Variants in SLC39A11 observed in about 807,000 individuals in gnomAD.
SLC39A11 encodes the protein solute carrier family 39 member 11, also known as zinc transporter ZIP11.
SLC39A11 carries 33 observed loss-of-function variants against 36.1 expected under a neutral mutation model. The ratio of observed to expected loss-of-function variants is 0.91; its 90% confidence interval spans 0.69 to 1.22. The LOEUF is 1.22. Ranked by LOEUF, SLC39A11 falls within the 50% of genes most tolerant of loss-of-function variation. The pLI is 0.00. For synonymous variants in SLC39A11, 166 were observed against 170.3 expected (o/e 0.97, Z 0.20); for missense variants, 432 against 430.3 (o/e 1.00, Z -0.03).
chr17:72,824,599 T>C (rs1220770034), intron 6 of SLC39A11, among the ~76,000 whole-genome samples: 2 of 151,270 alleles, frequency 1.3e-5, no homozygotes, highest in African/African-American at 4.8e-5. Context: ...AGTTGGGAAC[T>C]TCCTAGAGAC....
intron 6 of SLC39A11, among the ~76,000 whole-genome samples, chr17:72,834,703 T>A (rs1031869370): frequency 1.3e-5 from 2 of 152,106 alleles, no homozygotes; most frequent in Non-Finnish European, 2.9e-5. Flanking sequence ...TACCTGGCCA[T>A]GGGAGAAAGA....
intron 6 of SLC39A11, among the ~76,000 whole-genome samples, chr17:72,758,831 G>A (rs1343025216): frequency 1.3e-5 from 2 of 152,128 alleles, no homozygotes; most frequent in Non-Finnish European, 2.9e-5. Flanking sequence ...TTCCTAACTT[G>A]TATACGCCAA....
intron 7 of SLC39A11, among the ~76,000 whole-genome samples, chr17:72,717,143 T>C (rs2073437386): frequency 1.4e-5 from 2 of 147,756 alleles, no homozygotes; most frequent in African/African-American, 4.9e-5. Context: ...CTTATATGTG[T>C]ATATATATGT....
intron 5 of SLC39A11, among the ~76,000 whole-genome samples, chr17:72,861,666 T>C (rs1399690248): frequency 9.3e-6 from 1 of 107,090 alleles, no homozygotes; most frequent in African/African-American, 4.0e-5. Flanking sequence ...ATTATATATA[T>C]ATATATATAT....
chr17:72,962,886 T>C (rs2086705085), intron 4 of SLC39A11, among the ~76,000 whole-genome samples: 1 of 152,106 alleles, frequency 6.6e-6, no homozygotes, highest in African/African-American at 2.4e-5. Context: ...GTCAGCTCCA[T>C]AAAGAGCTGG....
At chr17:73,068,959 C>A (rs1383298019) in intron 3 of SLC39A11, among the ~76,000 whole-genome samples, 1 of 152,176 alleles carries the variant, frequency 6.6e-6, no homozygotes, top group Non-Finnish European at 1.5e-5. Flanking sequence ...CAGAGCACAA[C>A]TCCTTTCTAA....
At chr17:73,017,807 C>T (rs1297294000) in intron 4 of SLC39A11, among the ~76,000 whole-genome samples, 2 of 152,166 alleles carry the variant, frequency 1.3e-5, no homozygotes, top group Admixed American at 6.5e-5. Context: ...GGAGGATCAT[C>T]ACACAAACAA....
intron 7 of SLC39A11, among the ~76,000 whole-genome samples, chr17:72,734,325 G>A (rs1245131111): frequency 1.3e-5 from 2 of 152,166 alleles, no homozygotes; most frequent in Non-Finnish European, 2.9e-5. Flanking sequence ...TTCTTCCCTC[G>A]TTCCTTCTCT....
At chr17:72,755,212 G>T (rs961771960) in intron 6 of SLC39A11, among the ~76,000 whole-genome samples, 1 of 152,216 alleles carries the variant, frequency 6.6e-6, no homozygotes, top group African/African-American at 2.4e-5. Flanking sequence ...AATGAGGAAA[G>T]GTCTGTGAAT....
At chr17:73,060,210 C>CAAAAAAAAAAAAAAAAAAAAAAAA (rs33931672) in intron 3 of SLC39A11, among the ~76,000 whole-genome samples, 1 of 70,348 alleles carries the variant, frequency 1.4e-5, no homozygotes, top group Non-Finnish European at 2.6e-5. Context: ...AACTCCATCT[C>CAAAAAAAAAAAAAAAAAAAAAAAA]AAAAAAAAAA....
intron 5 of SLC39A11, among the ~76,000 whole-genome samples, chr17:72,879,213 C>T (rs1272417108): frequency 6.6e-6 from 1 of 152,166 alleles, no homozygotes; most frequent in Non-Finnish European, 1.5e-5. Context: ...ATGATTTAAG[C>T]CTGAATCATT....
intron 7 of SLC39A11, chr17:72,712,748 A>G (rs745394111): frequency 1.4e-4 from 21 of 152,310 alleles, no homozygotes; most frequent in Non-Finnish European, 2.4e-4. Context: ...ATACACATTC[A>G]TGTATTTTAC....
chr17:72,689,696 G>A (rs1365223543), intron 7 of SLC39A11, among the ~76,000 whole-genome samples: 1 of 152,132 alleles, frequency 6.6e-6, no homozygotes, highest in African/African-American at 2.4e-5. Flanking sequence ...AGACACGAAC[G>A]GTCACATATT....
chr17:72,857,917 C>T (rs1331433845), intron 5 of SLC39A11, among the ~76,000 whole-genome samples: 5 of 152,174 alleles, frequency 3.3e-5, no homozygotes, highest in Admixed American at 1.3e-4. Flanking sequence ...TTCTCCCATT[C>T]TGTAGGTTGT....
chr17:72,795,471 AC>A (rs1329118445), intron 6 of SLC39A11, among the ~76,000 whole-genome samples: 2 of 152,178 alleles, frequency 1.3e-5, no homozygotes, highest in Non-Finnish European at 2.9e-5. Flanking sequence ...TGATAGCACA[AC>A]AGAGCAACCA....
chr17:73,027,401 C>T (rs969394771), intron 4 of SLC39A11, among the ~76,000 whole-genome samples: 10 of 152,304 alleles, frequency 6.6e-5, no homozygotes, highest in East Asian at 1.9e-4. Flanking sequence ...TTCATTAAGA[C>T]GCCATTTGGC....
intron 6 of SLC39A11, among the ~76,000 whole-genome samples, chr17:72,847,620 T>C (rs930615286): frequency 1.3e-5 from 2 of 152,130 alleles, no homozygotes; most frequent in African/African-American, 4.8e-5. Flanking sequence ...GCTTAAAAAG[T>C]AATTAAACAC....
At chr17:73,053,942 G>A (rs1309468366) in intron 3 of SLC39A11, among the ~76,000 whole-genome samples, 1 of 152,180 alleles carries the variant, frequency 6.6e-6, no homozygotes, top group Admixed American at 6.5e-5. Flanking sequence ...TTTCCGTATA[G>A]ACTCAGCAGG....
At chr17:73,072,214 G>A (rs2344873) in intron 3 of SLC39A11, 62,793 of 152,028 alleles carry the variant, frequency 0.41, 13,513 homozygotes, top group Non-Finnish European at 0.47. Flanking sequence ...AGATCTTCCC[G>A]GGGGAATGCT....
Sources: allele counts gnomAD v4.1 joint callset (sites outside exome capture counted in the v4.1 genomes callset), GRCh38; gene constraint gnomAD v4.1.1; transcripts MANE v1.5; gene names NCBI Gene and HGNC (gene_info 2026-07-23, HGNC 2026-07-21).